LMBRD1: variants seen among roughly 807,000 people sequenced by gnomAD.
LMBRD1 encodes the protein lysosomal cobalamin transport escort protein LMBD1.
A neutral mutation model predicts 74.8 loss-of-function variants in LMBRD1; 64 were observed. The observed-to-expected ratio is 0.86, with a 90% CI of 0.70 to 1.05. LMBRD1 has a LOEUF of 1.05. Ranked by LOEUF, LMBRD1 falls within the 50% of genes least tolerant of loss-of-function variation. The pLI, the probability that LMBRD1 is intolerant of heterozygous loss-of-function variation, is 0.00. For synonymous variants in LMBRD1, 204 were observed against 216.3 expected, an observed-to-expected ratio of 0.94 and a Z score of 0.50; for missense variants, 652 against 645.9, an observed-to-expected ratio of 1.01 and a Z score of -0.10.
intron 2 of LMBRD1, among the ~76,000 whole-genome samples, chr6:69,789,303 A>G (rs1766029422): frequency 6.6e-6 from 1 of 152,258 alleles, no homozygotes; most frequent in East Asian, 1.9e-4. Flanking sequence ...CACGTGGATC[A>G]CTCGAGGCCA....
chr6:69,690,704 A>G (rs1476539393), intron 14 of LMBRD1, among the ~76,000 whole-genome samples: 1 of 152,140 alleles, frequency 6.6e-6, no homozygotes, highest in Non-Finnish European at 1.5e-5. Context: ...GTGATTATTT[A>G]TTGCATGCCG....
rs1441944575 is a variant in LMBRD1, at chr6:69,674,958, A to G, written c.*1200T>C. On this transcript the variant is annotated 3_prime_UTR_variant, in exon 16 of 16. Coordinates refer to ENST00000649934, the MANE Select transcript of LMBRD1 (RefSeq NM_018368.4). ...ATTGCACTCCAGCCTGGGCGACAAGAGTGAAACTCCATCTTAAAAAAAAAG... is the reference window on the plus strand; with the variant it reads ...ATTGCACTCCAGCCTGGGCGACAAGGGTGAAACTCCATCTTAAAAAAAAAG... Among the ~76,000 whole-genome samples the G allele has an allele frequency of 6.6e-6, 1 of 152,122 alleles. No individual in the cohort carries two copies. The highest frequency in any genetic ancestry group is 1.5e-5 in the Non-Finnish European group (1 of 68,012).
At chr6:69,680,709 C>T (rs971088107) in intron 14 of LMBRD1, among the ~76,000 whole-genome samples, 3 of 152,062 alleles carry the variant, frequency 2.0e-5, no homozygotes, top group African/African-American at 7.2e-5. Context: ...TAAGTAACAG[C>T]TCTTTATATG....
intron 9 of LMBRD1, among the ~76,000 whole-genome samples, chr6:69,706,545 A>G (rs1254813034): frequency 6.6e-6 from 1 of 152,138 alleles, no homozygotes; most frequent in African/African-American, 2.4e-5. Flanking sequence ...TTCCCTGTAC[A>G]TTTGGAGAAA....
intron 7 of LMBRD1, among the ~76,000 whole-genome samples, chr6:69,737,181 G>A (rs1223688884): frequency 1.3e-5 from 2 of 152,020 alleles, no homozygotes; most frequent in African/African-American, 4.8e-5. Context: ...TTTCATCTTT[G>A]CAAGAATTAA....
intron 3 of LMBRD1, among the ~76,000 whole-genome samples, chr6:69,756,860 G>C (rs186771063): frequency 4.1e-4 from 63 of 152,276 alleles, no homozygotes; most frequent in African/African-American, 1.3e-3. Context: ...TCCATATCCA[G>C]CTGTACAAAA....
intron 4 of LMBRD1, among the ~76,000 whole-genome samples, chr6:69,750,260 A>G (rs1765096892): frequency 6.6e-6 from 1 of 151,588 alleles, no homozygotes; most frequent in Non-Finnish European, 1.5e-5. Context: ...ACTCTAAGAT[A>G]GGTTGTTCTC....
At chr6:69,698,029 A>G (rs1766044598) in intron 13 of LMBRD1, among the ~76,000 whole-genome samples, 1 of 152,036 alleles carries the variant, frequency 6.6e-6, no homozygotes, top group Admixed American at 6.6e-5. Flanking sequence ...AGCATGACCT[A>G]GTGAGGTAGG....
chr6:69,709,492 A>C (rs1186120683), intron 9 of LMBRD1, among the ~76,000 whole-genome samples: 1 of 152,180 alleles, frequency 6.6e-6, no homozygotes, highest in African/African-American at 2.4e-5. Flanking sequence ...GATGGGTAAA[A>C]ATTTAGATCA....
chr6:69,738,579 C>T (rs890885997), intron 6 of LMBRD1, among the ~76,000 whole-genome samples: 7 of 147,846 alleles, frequency 4.7e-5, no homozygotes, highest in South Asian at 2.1e-4. Flanking sequence ...GCAAACACAA[C>T]GAGAAAATAG....
chr6:69,764,099 A>C (rs1162174548), intron 3 of LMBRD1, among the ~76,000 whole-genome samples: 2 of 152,196 alleles, frequency 1.3e-5, no homozygotes, highest in African/African-American at 4.8e-5. Flanking sequence ...CGTATTTTGC[A>C]TAGGAAATGG....
chr6:69,712,818 T>C (rs1766412269), intron 9 of LMBRD1, among the ~76,000 whole-genome samples: 3 of 152,108 alleles, frequency 2.0e-5, no homozygotes, highest in South Asian at 2.1e-4. Flanking sequence ...CAGTCAACAA[T>C]AATATGTGGT....
chr6:69,783,698 C>T (rs1562125648), intron 2 of LMBRD1, among the ~76,000 whole-genome samples: 1 of 151,964 alleles, frequency 6.6e-6, no homozygotes, highest in Non-Finnish European at 1.5e-5. Flanking sequence ...AAATTAAGAA[C>T]AATGTATCAA....
chr6:69,684,806 C>T (rs1473729140), intron 14 of LMBRD1, among the ~76,000 whole-genome samples: 2 of 151,904 alleles, frequency 1.3e-5, no homozygotes, highest in Non-Finnish European at 2.9e-5. Flanking sequence ...AGTAGGTTCC[C>T]AGAAGGAAGT....
At chr6:69,774,991 G>GGAAGGAAGGAAGGA (rs1394719550) in intron 3 of LMBRD1, among the ~76,000 whole-genome samples, 543 of 42,622 alleles carry the variant, frequency 0.013, 57 homozygotes, top group Non-Finnish European at 0.015. Flanking sequence ...GGAAGGAAGG[G>GGAAGGAAGGAAGGA]AGGGAGGGAG....
Position 69,709,231 on chromosome 6 carries a change from T to C in LMBRD1, c.915+4414A>G, listed in dbSNP as rs367917516. Among the ~76,000 whole-genome samples, 5 of 147,352 alleles carry C rather than the reference T, an allele frequency of 3.4e-5. No individual in the cohort carries two copies. In the South Asian group the frequency reaches 6.4e-4, roughly 19 times the overall value. ...CCTGGGCAACAAGAGCAAAACTCCA[T>C]CTCAAAAAAAAAAAAAGAAAAGAAA... On this transcript the variant is annotated intron_variant, in intron 9 of 15. Transcript: ENST00000649934.
Position 69,756,499 on chromosome 6 carries a change from G to A in LMBRD1, c.308-4143C>T, listed in dbSNP as rs1182234773. ...AATTAAACTGGCAATACCAAGTGTT[G>A]GCAAGAATGCAGAAACAACTAACAT... is the stretch of plus-strand genomic sequence containing the variant. On this transcript the variant is annotated intron_variant, in intron 3 of 15. Coordinates refer to ENST00000649934, the MANE Select transcript of LMBRD1 (RefSeq NM_018368.4). 2.0e-5 allele frequency among the ~76,000 whole-genome samples: 3 copies of A among 152,076 alleles called. 1 individual carries two copies. The South Asian group carries it at 6.2e-4, about 32-fold the overall frequency.
chr6:69,694,568 C>A (rs1765954380), intron 14 of LMBRD1, among the ~76,000 whole-genome samples: 1 of 151,882 alleles, frequency 6.6e-6, no homozygotes, highest in Non-Finnish European at 1.5e-5. Flanking sequence ...GATGTTTATC[C>A]ATCTCATCTC....
chr6:69,700,539 T>C lies in LMBRD1; in HGVS notation c.1188+226A>G, dbSNP rs558913632. On this transcript the variant is annotated intron_variant, in intron 12 of 15. Coordinates refer to ENST00000649934, the MANE Select transcript of LMBRD1 (RefSeq NM_018368.4). Reference sequence around the variant, plus strand: ...TCCCCAATTATAACAACTAAAAATATCTCTAGATATTGCCAAATGTTTCCG... The same window carrying C: ...TCCCCAATTATAACAACTAAAAATACCTCTAGATATTGCCAAATGTTTCCG... 2.0e-5 allele frequency among the ~76,000 whole-genome samples: 3 copies of C among 151,850 alleles called. No homozygotes were observed. In the Admixed American group the frequency reaches 2.0e-4, roughly 10 times the overall value.
Sources: allele counts gnomAD v4.1 joint callset (sites outside exome capture counted in the v4.1 genomes callset), GRCh38; gene constraint gnomAD v4.1.1; transcripts MANE v1.5; gene names NCBI Gene and HGNC (gene_info 2026-07-23, HGNC 2026-07-21).